MAP2: variants seen among roughly 807,000 people sequenced by gnomAD.
MAP2 encodes the protein microtubule associated protein 2.
In MAP2, 14 loss-of-function variants were observed where a neutral mutation model predicts 137.6. The ratio of observed to expected loss-of-function variants is 0.10; its 90% CI spans 0.07 to 0.16. The LOEUF (loss-of-function observed/expected upper bound fraction) is 0.16. MAP2 is among the 10% of genes least tolerant of loss of function. The pLI, the probability that MAP2 is intolerant of heterozygous loss-of-function variation, is 1.00. For missense variants in MAP2, 2,088 were observed against 2,191.5 expected, an observed-to-expected ratio of 0.95 and a Z score of 0.94; for synonymous variants, 786 against 782.3, an observed-to-expected ratio of 1.00 and a Z score of -0.08.
At chr2:209,447,975 G>A (rs185022180) in intron 1 of MAP2, among the ~76,000 whole-genome samples, 70 of 152,182 alleles carry the variant, frequency 4.6e-4, no homozygotes, top group African/African-American at 1.5e-3. Context: ...ACTTGAAAAC[G>A]TGTTAGAAAT....
chr2:209,610,380 T>C (rs975544277), intron 3 of MAP2, among the ~76,000 whole-genome samples: 2 of 152,026 alleles, frequency 1.3e-5, no homozygotes, highest in African/African-American at 2.4e-5. Context: ...CTGAGGAGTA[T>C]TGGACCACTG....
rs182376882 is a variant in MAP2 at position 209,549,538 on chromosome 2, T to A, written c.-171-30498T>A. Among the ~76,000 whole-genome samples the A allele has an allele frequency of 4.6e-3, 706 of 152,302 alleles. 9 individuals are homozygous for A. The highest frequency in any genetic ancestry group is 0.016 in the African/African-American group (660 of 41,558). On this transcript the variant is annotated intron_variant, in intron 2 of 15. Transcript: ENST00000682079. ...AATCCAAAGTATATTAATTAATAAATCAGCATACCAGATATCTGGAAAAAT... is the reference window on the plus strand; with the variant it reads ...AATCCAAAGTATATTAATTAATAAAACAGCATACCAGATATCTGGAAAAAT...
At position 209,697,038 on chromosome 2, in the gene MAP2, G is replaced by A; in HGVS notation, c.4509G>A (p.Lys1503=). ...GACCAACTCATCTCTCCTGTGTTAA[G>A]CGGAAAACCACAGGTGACTGTTCAA... is the stretch of plus-strand genomic sequence containing the variant. ...YTRPTHLSCV[K]RKTTAAGGES... The change falls in exon 10 of 16, where the codon AAG becomes AAA. Residue 1503 remains lysine (K), a synonymous_variant. Coordinates refer to ENST00000682079, the MANE Select transcript of MAP2 (RefSeq NM_001375505.1). The A allele has an allele frequency of 1.3e-6, 2 of 1,598,966 alleles. No individual in the cohort carries two copies. Among genetic ancestry groups the A allele is most frequent in the Non-Finnish European group, 1.7e-6 (2 of 1,176,614 alleles).
At chr2:209,445,963 TA>T (rs922818585) in intron 1 of MAP2, among the ~76,000 whole-genome samples, 3 of 151,514 alleles carry the variant, frequency 2.0e-5, no homozygotes, top group African/African-American at 4.8e-5. Flanking sequence ...TAGAATACCA[TA>T]AAAAAATCAA....
intron 2 of MAP2, among the ~76,000 whole-genome samples, chr2:209,549,454 C>A (rs964621040): frequency 1.1e-4 from 17 of 152,152 alleles, no homozygotes; most frequent in African/African-American, 4.1e-4. Context: ...GAAATCCTCT[C>A]TAGAACTGTG....
intron 12 of MAP2, among the ~76,000 whole-genome samples, chr2:209,708,755 A>C (rs1421634404): frequency 6.6e-6 from 1 of 152,144 alleles, no homozygotes; most frequent in Non-Finnish European, 1.5e-5. Context: ...TTTTCTATAA[A>C]ATATGTTATA....
Position 209,653,310 on chromosome 2 carries a change from GATTCCCAT to G in MAP2, c.142_149del (p.Phe48GlnfsTer4). ...GAAGGACTTGTCCGAAGCGCCAATG[GATTCCCAT>G]ACAGGGAGGATGAAGAGGGTGCCTT... On this transcript the variant is annotated frameshift_variant, in exon 5 of 16. Transcript: ENST00000682079. LOFTEE classifies it high-confidence loss of function. 1 of 1,614,146 alleles carries G rather than the reference GATTCCCAT, an allele frequency of 6.2e-7. No homozygotes were observed. The highest frequency in any genetic ancestry group is 8.5e-7 in the Non-Finnish European group (1 of 1,180,020).
rs555357126 is a variant in MAP2, at chr2:209,646,216, G to A, written c.-29-6926G>A. Among the ~76,000 whole-genome samples, 306 of 152,028 alleles carry A rather than the reference G, an allele frequency of 2.0e-3. 4 individuals are homozygous for A. Among genetic ancestry groups the A allele is most frequent in the Non-Finnish European group, 5.9e-4 (40 of 67,942 alleles). ...GTCTCAAAAAATAAAATGAAATAAA[G>A]AAAATAAAAGAAATAAGCAAAATAT... is the stretch of plus-strand genomic sequence containing the variant. On this transcript the variant is annotated intron_variant, in intron 4 of 15. Transcript: ENST00000682079.
Position 209,710,113 on chromosome 2 carries a change from C to T in MAP2, c.4932C>T (p.Val1644=), listed in dbSNP as rs140691086. Residue 1644 remains valine, a synonymous_variant, in exon 13 of 16, where the codon GTC becomes GTT. Transcript: ENST00000682079. The stretch of plus-strand genomic sequence containing the variant: ...TCTTGGTGCCGAGTGAGAAGAAGGT[C>T]GCCATCATACGTACTCCTCCAAAAT... ...SAILVPSEKK[V]AIIRTPPKSP... 74 of 1,613,986 alleles carry T rather than the reference C, an allele frequency of 4.6e-5. No individual in the cohort carries two copies. The African/African-American group carries it at 9.5e-4, about 21-fold the overall frequency.
rs2074671782 is a variant in MAP2 at position 209,727,967 on chromosome 2, A to G, written c.5156-1883A>G. Among the ~76,000 whole-genome samples, 3 of 152,070 alleles carry G rather than the reference A, an allele frequency of 2.0e-5. No individual in the cohort carries two copies. The South Asian group carries it at 6.2e-4, about 32-fold the overall frequency. Reference sequence around the variant, plus strand: ...TCATAGTGAGAGTCCATCTCTACAAAAAAATTAAGAATAAAAATAAGCTGA... The same window carrying G: ...TCATAGTGAGAGTCCATCTCTACAAGAAAATTAAGAATAAAAATAAGCTGA... On this transcript the variant is annotated intron_variant, in intron 14 of 15. Transcript: ENST00000682079.
At chr2:209,703,941 T>C (rs1423664254) in intron 11 of MAP2, 1 of 454,710 alleles carries the variant, frequency 2.2e-6, no homozygotes, top group Non-Finnish European at 4.4e-6. Flanking sequence ...AGCATTATTT[T>C]TGTGTTTTAT....
intron 1 of MAP2, among the ~76,000 whole-genome samples, chr2:209,471,873 C>G (rs1705816634): frequency 6.6e-6 from 1 of 151,936 alleles, no homozygotes; most frequent in African/African-American, 2.4e-5. Flanking sequence ...TTTAGTAAGT[C>G]CTAACATAAG....
intron 3 of MAP2, among the ~76,000 whole-genome samples, chr2:209,609,882 G>A (rs1402874969): frequency 6.6e-6 from 1 of 151,964 alleles, no homozygotes; most frequent in East Asian, 1.9e-4. Flanking sequence ...TAGATGCTGG[G>A]TTGGTACAAC....
intron 1 of MAP2, among the ~76,000 whole-genome samples, chr2:209,432,384 G>A (rs1000174035): frequency 3.9e-5 from 6 of 152,040 alleles, no homozygotes; most frequent in African/African-American, 1.5e-4. Context: ...ATAAGAATTG[G>A]GTGTTGCTGT....
At chr2:209,728,061 G>C (rs2074716947) in intron 14 of MAP2, among the ~76,000 whole-genome samples, 1 of 152,124 alleles carries the variant, frequency 6.6e-6, no homozygotes, top group East Asian at 1.9e-4. Context: ...CTGGGCCCAG[G>C]AAGTCAAGGT....
At chr2:209,676,719 TCATA>T (rs2051726448) in intron 5 of MAP2, among the ~76,000 whole-genome samples, 3 of 61,678 alleles carry the variant, frequency 4.9e-5, no homozygotes, top group Non-Finnish European at 8.7e-5. Flanking sequence ...GACACAAAGG[TCATA>T]TATATATATA....
rs1372509987 is a variant in MAP2, at chr2:209,427,389, A to T, written c.-222+3113A>T. On this transcript the variant is annotated intron_variant, in intron 1 of 15. Coordinates refer to ENST00000682079, the MANE Select transcript of MAP2 (RefSeq NM_001375505.1). ...TATAGATTAGTTAAAGATGCTAATA[A>T]ACTCTTTGAGTCATATCTGATTCTC... 3.3e-5 allele frequency among the ~76,000 whole-genome samples: 5 copies of T among 152,212 alleles called. No homozygotes were observed. In the East Asian group the frequency reaches 7.7e-4, roughly 23 times the overall value.
At chr2:209,565,190 G>A (rs1019373097) in intron 2 of MAP2, among the ~76,000 whole-genome samples, 2 of 152,046 alleles carry the variant, frequency 1.3e-5, no homozygotes, top group Admixed American at 6.6e-5. Flanking sequence ...TGTATTAGGA[G>A]GAATTGCAAA....
At chr2:209,691,888 A>G (rs972220127) in intron 7 of MAP2, among the ~76,000 whole-genome samples, 2 of 152,226 alleles carry the variant, frequency 1.3e-5, no homozygotes, top group African/African-American at 4.8e-5. Flanking sequence ...AGACTAAGTA[A>G]TGATTAGGAA....
Sources: gnomAD v4.1 joint callset for allele counts (sites outside exome capture counted in the v4.1 genomes callset) on GRCh38, gnomAD v4.1.1 for gene constraint, MANE v1.5 for transcripts, NCBI Gene and HGNC (gene_info 2026-07-23, HGNC 2026-07-21) for gene names.